MAD1L1: variants seen among roughly 807,000 people sequenced by gnomAD.
MAD1L1 encodes mitotic spindle assembly checkpoint protein MAD1.
MAD1L1 carries 95 observed loss-of-function variants against 96.9 expected under a neutral mutation model. That is an observed-to-expected ratio of 0.98 (90% confidence interval 0.83 to 1.16). The LOEUF is 1.16. Among genes scored for constraint, MAD1L1 ranks in the 50% most tolerant of loss-of-function variants. The pLI is 0.00. For synonymous variants in MAD1L1, 473 were observed against 396.6 expected, an observed-to-expected ratio of 1.19 and a Z score of -2.29; for missense variants, 1,007 against 954.4, an observed-to-expected ratio of 1.06 and a Z score of -0.73.
At chr7:1,892,916 G>C (rs115127170) in intron 18 of MAD1L1, among the ~76,000 whole-genome samples, 2,801 of 152,300 alleles carry the variant, frequency 0.018, 76 homozygotes, top group African/African-American at 0.063. Context: ...TCTTACCACT[G>C]ATTTTCTCCC....
intron 18 of MAD1L1, among the ~76,000 whole-genome samples, chr7:1,874,067 G>A (rs1459688334): frequency 1.3e-5 from 2 of 152,228 alleles, no homozygotes; most frequent in African/African-American, 2.4e-5. Flanking sequence ...GCTAGGGTCG[G>A]TGCTTCTGCC....
At chr7:2,200,502 C>A (rs1033388135) in intron 10 of MAD1L1, 4 of 145,920 alleles carry the variant, frequency 2.7e-5, no homozygotes, top group Admixed American at 6.6e-5. Context: ...TGCATTCTGC[C>A]CAGGTAAGAC....
intron 11 of MAD1L1, among the ~76,000 whole-genome samples, chr7:2,098,724 C>A (rs552360646): frequency 6.6e-6 from 1 of 152,268 alleles, no homozygotes; most frequent in Admixed American, 6.5e-5. Context: ...ACTACCACAC[C>A]CGATAGCTGC....
intron 18 of MAD1L1, among the ~76,000 whole-genome samples, chr7:1,867,111 C>G (rs1457375824): frequency 6.6e-6 from 1 of 152,182 alleles, no homozygotes; most frequent in African/African-American, 2.4e-5. Flanking sequence ...TAGGGCCAAG[C>G]TGGGGCGAAG....
intron 10 of MAD1L1, among the ~76,000 whole-genome samples, chr7:2,152,917 A>G (rs564020285): frequency 1.3e-5 from 2 of 152,304 alleles, no homozygotes; most frequent in African/African-American, 4.8e-5. Context: ...CGGGGACATG[A>G]GGAGAAAACA....
intron 15 of MAD1L1, among the ~76,000 whole-genome samples, chr7:1,970,135 A>G (rs1021969734): frequency 6.6e-6 from 1 of 152,102 alleles, no homozygotes; most frequent in Non-Finnish European, 1.5e-5. Context: ...GGGCTGGAAA[A>G]AGCCGAGCCG....
chr7:2,225,545 C>T lies in MAD1L1; in HGVS notation c.156G>A (p.Glu52=), dbSNP rs769394520. 7.4e-6 allele frequency: 12 copies of T among 1,613,446 alleles called. No individual in the cohort carries two copies. The highest frequency in any genetic ancestry group is 2.2e-5 in the South Asian group (2 of 91,082). Residue 52 remains glutamate (E), a synonymous_variant, in exon 4 of 19, where the codon GAG becomes GAA. Transcript: ENST00000265854. ...QMQYQQSMQL[E]ERAEQIRSKS... is the part of the protein sequence containing the mutation. ...TCGAACGGATCTGCTCTGCTCTTTC[C>T]TCCAGCTGAGCAGGTCGCACCCAAA...
intron 18 of MAD1L1, chr7:1,829,625 A>G (rs1192356789): frequency 6.6e-6 from 1 of 152,084 alleles, no homozygotes; most frequent in Non-Finnish European, 1.5e-5. Context: ...TGGGGACAGC[A>G]AAGAGTCTTG....
chr7:2,094,439 T>C (rs906664974), intron 11 of MAD1L1, among the ~76,000 whole-genome samples: 1 of 151,944 alleles, frequency 6.6e-6, no homozygotes, highest in Non-Finnish European at 1.5e-5. Context: ...GGATGAGAAA[T>C]AAGACACAAA....
chr7:2,021,485 G>A (rs975548223), intron 12 of MAD1L1, among the ~76,000 whole-genome samples: 10 of 152,152 alleles, frequency 6.6e-5, no homozygotes, highest in African/African-American at 1.4e-4. Flanking sequence ...ACTCTCAGCG[G>A]GGCACACTGG....
intron 12 of MAD1L1, 67 bp downstream of exon 12, chr7:2,069,127 G>A: frequency 1.4e-6 from 2 of 1,462,136 alleles, no homozygotes; most frequent in Non-Finnish European, 1.8e-6. Context: ...GTGAGATCCA[G>A]CTAACCAGGT....
chr7:1,861,405 G>A (rs534490582), intron 18 of MAD1L1, among the ~76,000 whole-genome samples: 2 of 151,884 alleles, frequency 1.3e-5, no homozygotes, highest in South Asian at 4.2e-4. Context: ...TCACTGCTCC[G>A]CCTGCCCCCT....
intron 10 of MAD1L1, among the ~76,000 whole-genome samples, chr7:2,179,073 C>A (rs531033225): frequency 6.6e-6 from 1 of 152,104 alleles, no homozygotes; most frequent in African/African-American, 2.4e-5. Context: ...GTGACTAAAA[C>A]GGTCAGAATC....
rs147371495 is a variant in MAD1L1, at chr7:2,077,013, C to T, written c.1074-7675G>A. On this transcript the variant is annotated intron_variant, in intron 11 of 18. Coordinates refer to ENST00000265854, the MANE Select transcript of MAD1L1 (RefSeq NM_001013836.2). Reference sequence around the variant, plus strand: ...AGACGGTTATGACACAGTGAGCTCACGGCACGGTGAGCCCGAGACAGAGTT... The same window carrying T: ...AGACGGTTATGACACAGTGAGCTCATGGCACGGTGAGCCCGAGACAGAGTT... Among the ~76,000 whole-genome samples, 191 of 148,830 alleles carry T rather than the reference C, an allele frequency of 1.3e-3. 1 individual carries two copies. Among genetic ancestry groups the T allele is most frequent in the Non-Finnish European group, 2.3e-3 (156 of 67,184 alleles).
chr7:2,019,643 G>A (rs1782693955), intron 12 of MAD1L1, among the ~76,000 whole-genome samples: 2 of 152,152 alleles, frequency 1.3e-5, no homozygotes, highest in South Asian at 4.1e-4. Flanking sequence ...GGGTCGGGCT[G>A]CCCGGCCCAG....
intron 11 of MAD1L1, among the ~76,000 whole-genome samples, chr7:2,089,707 C>T (rs1019144191): frequency 5.3e-5 from 8 of 150,878 alleles, no homozygotes; most frequent in Middle Eastern, 3.2e-3. Flanking sequence ...TGTTTAATCA[C>T]ACTTCCAACA....
intron 11 of MAD1L1, among the ~76,000 whole-genome samples, chr7:2,098,994 T>A (rs1287774374): frequency 6.6e-6 from 1 of 152,194 alleles, no homozygotes; most frequent in East Asian, 1.9e-4. Flanking sequence ...GGTGCCGGAA[T>A]GTCTGGGGAT....
chr7:1,976,430 C>T (rs933685297), intron 15 of MAD1L1, among the ~76,000 whole-genome samples: 2 of 152,150 alleles, frequency 1.3e-5, no homozygotes, highest in East Asian at 1.9e-4. Context: ...TAAGGCAGCA[C>T]GTCTGGAGTT....
chr7:1,947,156 G>A (rs1049641248), intron 16 of MAD1L1, among the ~76,000 whole-genome samples: 7 of 152,206 alleles, frequency 4.6e-5, no homozygotes, highest in Non-Finnish European at 7.3e-5. Flanking sequence ...CTGAGCCCAC[G>A]CCCTGGTGCG....
Sources: gnomAD v4.1 joint callset for allele counts (sites outside exome capture counted in the v4.1 genomes callset) on GRCh38, gnomAD v4.1.1 for gene constraint, MANE v1.5 for transcripts, NCBI Gene and HGNC (gene_info 2026-07-23, HGNC 2026-07-21) for gene names.